TRAPPC9: variants seen among roughly 807,000 people sequenced by gnomAD.
TRAPPC9 encodes the protein trafficking protein particle complex subunit 9, also known as IKK2 binding protein.
In TRAPPC9, 83 loss-of-function variants were observed where a neutral mutation model predicts 124.0. The ratio of observed to expected loss-of-function variants is 0.67; its 90% CI spans 0.56 to 0.80. The LOEUF is 0.80. Among genes scored for constraint, TRAPPC9 ranks in the 30% least tolerant of loss-of-function variants. The pLI is 0.00. For missense variants in TRAPPC9, 1,302 were observed against 1,508.3 expected (o/e 0.86, Z 2.27); for synonymous variants, 638 against 617.5 (o/e 1.03, Z -0.49).
At chr8:140,008,868 A>G (rs1297092910) in intron 18 of TRAPPC9, among the ~76,000 whole-genome samples, 1 of 152,264 alleles carries the variant, frequency 6.6e-6, no homozygotes, top group East Asian at 1.9e-4. Flanking sequence ...ACAGACCTGA[A>G]GAGTTTATAT....
At chr8:139,748,328 G>A (rs1446759090) in intron 21 of TRAPPC9, among the ~76,000 whole-genome samples, 1 of 105,424 alleles carries the variant, frequency 9.5e-6, no homozygotes, top group Admixed American at 9.5e-5. Flanking sequence ...GGTGTGCAGG[G>A]ATCAGAGAAG....
chr8:140,150,562 T>C (rs2061528775), intron 17 of TRAPPC9, among the ~76,000 whole-genome samples: 1 of 152,172 alleles, frequency 6.6e-6, no homozygotes, highest in African/African-American at 2.4e-5. Context: ...GGATACTAAA[T>C]AGACTAAAGG....
chr8:140,319,266 C>G (rs1284210654), intron 9 of TRAPPC9, among the ~76,000 whole-genome samples: 2 of 146,924 alleles, frequency 1.4e-5, no homozygotes, highest in Non-Finnish European at 3.0e-5. Context: ...AGCTCCGCCT[C>G]CCGGGTTCAC....
intron 5 of TRAPPC9, among the ~76,000 whole-genome samples, chr8:140,419,456 AACAAAAC>A (rs1379938919): frequency 1.4e-5 from 2 of 144,742 alleles, no homozygotes; most frequent in African/African-American, 5.5e-5. Flanking sequence ...AAAAAAACAA[AACAAAAC>A]AAAAAACGAG....
At chr8:140,250,556 G>A (rs2064109072) in intron 16 of TRAPPC9, among the ~76,000 whole-genome samples, 1 of 152,128 alleles carries the variant, frequency 6.6e-6, no homozygotes, top group Admixed American at 6.6e-5. Flanking sequence ...CTTCACATAA[G>A]GGCGCCGTGA....
At chr8:140,299,236 A>G (rs10086598) in intron 11 of TRAPPC9, among the ~76,000 whole-genome samples, 51,037 of 152,062 alleles carry the variant, frequency 0.34, 9,074 homozygotes, top group Middle Eastern at 0.45. Context: ...GAGTCCCTGT[A>G]GCTAAACCAG....
At chr8:139,918,937 T>G (rs1832327991) in intron 19 of TRAPPC9, among the ~76,000 whole-genome samples, 1 of 152,162 alleles carries the variant, frequency 6.6e-6, no homozygotes, top group Non-Finnish European at 1.5e-5. Flanking sequence ...TTAACGGGAC[T>G]GCTTGGCCCG....
intron 21 of TRAPPC9, among the ~76,000 whole-genome samples, chr8:139,770,956 T>G (rs945453256): frequency 1.3e-5 from 2 of 152,002 alleles, no homozygotes; most frequent in Non-Finnish European, 1.5e-5. Context: ...TCTGGGACCC[T>G]CCCGCAGGAG....
chr8:139,768,664 T>C (rs1820740375), intron 21 of TRAPPC9, among the ~76,000 whole-genome samples: 1 of 152,248 alleles, frequency 6.6e-6, no homozygotes, highest in Non-Finnish European at 1.5e-5. Flanking sequence ...TTTTAATTCA[T>C]CAACAGGGGT....
intron 15 of TRAPPC9, among the ~76,000 whole-genome samples, chr8:140,272,377 G>A (rs56838078): frequency 0.087 from 12,781 of 147,082 alleles, 1,469 homozygotes; most frequent in African/African-American, 0.26. Flanking sequence ...TGAGGGTGGT[G>A]GTGATGATGG....
At chr8:139,931,002 T>C (rs543479851) in intron 19 of TRAPPC9, among the ~76,000 whole-genome samples, 30 of 152,214 alleles carry the variant, frequency 2.0e-4, no homozygotes, top group Admixed American at 1.8e-3. Context: ...CCTCAGGTCA[T>C]GGAGCCTGTT....
intron 17 of TRAPPC9, among the ~76,000 whole-genome samples, chr8:140,213,128 T>G (rs1473628880): frequency 2.0e-5 from 3 of 152,002 alleles, no homozygotes; most frequent in Non-Finnish European, 4.4e-5. Flanking sequence ...TCTTCTTTTT[T>G]GTTGACTTTT....
intron 21 of TRAPPC9, among the ~76,000 whole-genome samples, chr8:139,884,889 C>A (rs1360450515): frequency 6.6e-6 from 1 of 152,170 alleles, no homozygotes; most frequent in Non-Finnish European, 1.5e-5. Context: ...CTGTGAGGAG[C>A]CAGGAGGCAG....
At chr8:140,427,721 A>G (rs2070480972) in intron 4 of TRAPPC9, among the ~76,000 whole-genome samples, 1 of 152,222 alleles carries the variant, frequency 6.6e-6, no homozygotes, top group South Asian at 2.1e-4. Context: ...TCTTATGGAA[A>G]TAGCACATGT....
At chr8:139,827,583 G>C (rs1434810278) in intron 21 of TRAPPC9, among the ~76,000 whole-genome samples, 1 of 152,192 alleles carries the variant, frequency 6.6e-6, no homozygotes, top group African/African-American at 2.4e-5. Context: ...TTTCAACCCA[G>C]GCCTGCCATG....
intron 9 of TRAPPC9, among the ~76,000 whole-genome samples, chr8:140,326,003 A>G (rs1401456567): frequency 6.6e-6 from 1 of 152,202 alleles, no homozygotes; most frequent in East Asian, 1.9e-4. Context: ...TATCTTTATT[A>G]AAGAAGCTGA....
intron 9 of TRAPPC9, among the ~76,000 whole-genome samples, chr8:140,322,168 AATCC>A (rs1200924512): frequency 1.3e-5 from 2 of 152,164 alleles, no homozygotes; most frequent in Admixed American, 1.3e-4. Flanking sequence ...CAAACCCACA[AATCC>A]AGCATCCAGT....
intron 19 of TRAPPC9, among the ~76,000 whole-genome samples, chr8:139,921,034 G>T (rs564151085): frequency 4.2e-4 from 64 of 152,346 alleles, no homozygotes; most frequent in African/African-American, 1.5e-3. Flanking sequence ...ACAACTGGGA[G>T]GCCACCCTGC....
At chr8:139,832,463 C>T in intron 21 of TRAPPC9, among the ~76,000 whole-genome samples, 1 of 152,178 alleles carries the variant, frequency 6.6e-6, no homozygotes, top group South Asian at 2.1e-4. Flanking sequence ...TGGCCCGAAG[C>T]AGGGGAGGCT....
Sources: gnomAD v4.1 joint callset for allele counts (sites outside exome capture counted in the v4.1 genomes callset) on GRCh38, gnomAD v4.1.1 for gene constraint, MANE v1.5 for transcripts, NCBI Gene and HGNC (gene_info 2026-07-23, HGNC 2026-07-21) for gene names.